Variants in SH3RF3 observed in about 807,000 individuals in gnomAD.
SH3RF3 encodes SH3 domain containing ring finger 3.
Under a neutral mutation model 66.3 loss-of-function variants are expected in SH3RF3, and 29 were observed. The ratio of observed to expected loss-of-function variants is 0.44; its 90% CI spans 0.33 to 0.60. SH3RF3 has a LOEUF of 0.60. SH3RF3 is among the 20% of genes least tolerant of loss of function. The pLI is 0.04. For missense variants in SH3RF3, 1,194 were observed against 1,190.9 expected, an observed-to-expected ratio of 1.00 and a Z score of -0.04; for synonymous variants, 583 against 532.0, an observed-to-expected ratio of 1.10 and a Z score of -1.32.
chr2:109,422,964 C>T (rs1227949388), intron 5 of SH3RF3, among the ~76,000 whole-genome samples: 1 of 152,142 alleles, frequency 6.6e-6, no homozygotes, highest in Non-Finnish European at 1.5e-5. Flanking sequence ...ACGCCTGGGT[C>T]TGACTCGGTC....
At chr2:109,295,532 G>C (rs1393343036) in intron 1 of SH3RF3, among the ~76,000 whole-genome samples, 1 of 152,248 alleles carries the variant, frequency 6.6e-6, no homozygotes, top group Admixed American at 6.5e-5. Context: ...TTGTGAAGAA[G>C]GGGGCTTCAT....
intron 1 of SH3RF3, among the ~76,000 whole-genome samples, chr2:109,281,449 C>T (rs540503548): frequency 2.6e-5 from 4 of 152,318 alleles, no homozygotes; most frequent in South Asian, 4.1e-4. Context: ...GCATCCAGCA[C>T]ACGCACAGCA....
intron 8 of SH3RF3, among the ~76,000 whole-genome samples, chr2:109,451,376 G>C (rs953039826): frequency 6.6e-6 from 1 of 152,170 alleles, no homozygotes; most frequent in Admixed American, 6.5e-5. Context: ...TCCTTCTTCT[G>C]AGCTGCTCAG....
rs1678144968 is a variant in SH3RF3 at position 109,459,110 on chromosome 2, GTCT to G, written c.2148+9629_2148+9631del. ...ATTCAGAGTCTTTGAGTGGTGCTTC[GTCT>G]TCTTCTTGATATCTTGTAACTTAAA... On this transcript the variant is annotated intron_variant, in intron 8 of 9. Coordinates refer to ENST00000309415, the MANE Select transcript of SH3RF3 (RefSeq NM_001099289.3). Among the ~76,000 whole-genome samples, 4 of 152,110 alleles carry G rather than the reference GTCT, an allele frequency of 2.6e-5. No homozygotes were observed. In the South Asian group the frequency reaches 6.2e-4, roughly 24 times the overall value.
At chr2:109,197,832 C>T (rs1469108164) in intron 1 of SH3RF3, among the ~76,000 whole-genome samples, 1 of 152,224 alleles carries the variant, frequency 6.6e-6, no homozygotes, top group African/African-American at 2.4e-5. Context: ...TGGGGAGGAA[C>T]TCCAGGAGAA....
chr2:109,142,052 G>GA (rs1052320747), intron 1 of SH3RF3, among the ~76,000 whole-genome samples: 2 of 151,486 alleles, frequency 1.3e-5, no homozygotes, highest in Admixed American at 6.6e-5. Flanking sequence ...CTGGGGGGGG[G>GA]GTCTCAGGTA....
rs151117829 is a variant in SH3RF3, at chr2:109,469,540, G to T, written c.2148+20051G>T. Among the ~76,000 whole-genome samples, 939 of 152,206 alleles carry T rather than the reference G, an allele frequency of 6.2e-3. 6 individuals are homozygous for T. Among genetic ancestry groups the T allele is most frequent in the Middle Eastern group, 0.014 (4 of 294 alleles). ...TTCATCAAAGCACAAAACTTAGGCT[G>T]CCTAGAAAATAACAGTTAATGTGTC... On this transcript the variant is annotated intron_variant, in intron 8 of 9. Transcript: ENST00000309415.
chr2:109,314,233 T>C (rs900414779), intron 1 of SH3RF3, among the ~76,000 whole-genome samples: 1 of 152,176 alleles, frequency 6.6e-6, no homozygotes, highest in Non-Finnish European at 1.5e-5. Context: ...CATGTATATT[T>C]AATGCTGCCT....
chr2:109,205,542 C>T (rs1433010221), intron 1 of SH3RF3, among the ~76,000 whole-genome samples: 1 of 152,122 alleles, frequency 6.6e-6, no homozygotes, highest in Non-Finnish European at 1.5e-5. Context: ...ACCACTGTGC[C>T]CCGCCCAACT....
At chr2:109,384,588 G>T (rs1675776280) in intron 3 of SH3RF3, among the ~76,000 whole-genome samples, 1 of 152,080 alleles carries the variant, frequency 6.6e-6, no homozygotes, top group African/African-American at 2.4e-5. Flanking sequence ...TCTGCATTTG[G>T]GTCTGGGGTC....
chr2:109,426,858 C>T, intron 5 of SH3RF3, among the ~76,000 whole-genome samples: 1 of 152,154 alleles, frequency 6.6e-6, no homozygotes. Context: ...GCCACCACCA[C>T]CCTGAGTAGT....
rs148583778 is a variant in SH3RF3 at position 109,293,556 on chromosome 2, A to G, written c.574-54118A>G. Among the ~76,000 whole-genome samples, 1,216 of 152,350 alleles carry G rather than the reference A, an allele frequency of 8.0e-3. 12 individuals are homozygous for G. The highest frequency in any genetic ancestry group is 0.038 in the East Asian group (195 of 5,184). On this transcript the variant is annotated intron_variant, in intron 1 of 9. Coordinates refer to ENST00000309415, the MANE Select transcript of SH3RF3 (RefSeq NM_001099289.3). ...CTGTCCCCTGCATGCACTGACCACT[A>G]GAAAACAAAGGGTGTGAAGCCCATG...
intron 1 of SH3RF3, among the ~76,000 whole-genome samples, chr2:109,347,404 G>C (rs1682734655): frequency 6.6e-6 from 1 of 152,216 alleles, no homozygotes; most frequent in Admixed American, 6.5e-5. Context: ...TTTTTGCACA[G>C]AATGAGGTTG....
intron 4 of SH3RF3, among the ~76,000 whole-genome samples, chr2:109,403,896 A>G (rs1676380542): frequency 6.6e-6 from 1 of 152,196 alleles, no homozygotes; most frequent in African/African-American, 2.4e-5. Flanking sequence ...CACCATGGCC[A>G]CTGTGAGGGT....
At chr2:109,477,731 G>A (rs1342347889) in intron 8 of SH3RF3, among the ~76,000 whole-genome samples, 1 of 152,176 alleles carries the variant, frequency 6.6e-6, no homozygotes, top group Non-Finnish European at 1.5e-5. Flanking sequence ...TCGGTGTCTG[G>A]TGAGGACTGG....
chr2:109,301,690 GT>G (rs1328104254), intron 1 of SH3RF3, among the ~76,000 whole-genome samples: 1 of 152,198 alleles, frequency 6.6e-6, no homozygotes, highest in Non-Finnish European at 1.5e-5. Flanking sequence ...GTATTTTGTT[GT>G]TTTGAGGAGA....
intron 1 of SH3RF3, among the ~76,000 whole-genome samples, chr2:109,209,376 T>C (rs1018034407): frequency 1.3e-5 from 2 of 152,180 alleles, no homozygotes; most frequent in African/African-American, 4.8e-5. Flanking sequence ...CCTAGGAAGA[T>C]GCCCTGAGTG....
chr2:109,365,034 GACAC>G (rs556874542), intron 2 of SH3RF3, among the ~76,000 whole-genome samples: 2 of 149,494 alleles, frequency 1.3e-5, no homozygotes, highest in African/African-American at 2.5e-5. Context: ...AAGAAACACA[GACAC>G]ACACACACAT....
At chr2:109,486,184 G>A (rs564548394) in intron 8 of SH3RF3, among the ~76,000 whole-genome samples, 2 of 152,294 alleles carry the variant, frequency 1.3e-5, no homozygotes, top group East Asian at 1.9e-4. Flanking sequence ...ATCACTTACC[G>A]AGTTGCATGA....
Sources: allele counts gnomAD v4.1 joint callset (sites outside exome capture counted in the v4.1 genomes callset), GRCh38; gene constraint gnomAD v4.1.1; transcripts MANE v1.5; gene names NCBI Gene and HGNC (gene_info 2026-07-23, HGNC 2026-07-21).